Variants in GARRE1 observed in about 807,000 individuals in gnomAD.
GARRE1 encodes the protein granule associated Rac and RHOG effector 1, also known as granule associated Rac and RHOG effector protein 1.
In GARRE1, 49 loss-of-function variants were observed where a neutral mutation model predicts 103.2. The ratio of observed to expected loss-of-function variants is 0.47; its 90% CI spans 0.38 to 0.60. GARRE1 has a LOEUF of 0.60. Ranked by LOEUF, GARRE1 falls within the 20% of genes least tolerant of loss-of-function variation. The pLI, the probability that GARRE1 is intolerant of heterozygous loss-of-function variation, is 0.00. For synonymous variants in GARRE1, 505 were observed against 532.8 expected (o/e 0.95, Z 0.72); for missense variants, 1,199 against 1,370.5 (o/e 0.87, Z 1.98).
chr19:34,292,262 C>G (rs938999548), intron 1 of GARRE1, among the ~76,000 whole-genome samples: 1 of 152,190 alleles, frequency 6.6e-6, no homozygotes, highest in African/African-American at 2.4e-5. Context: ...TCACTTAGCA[C>G]AGTGTTTTTA....
chr19:34,296,044 T>C (rs1283832192), intron 1 of GARRE1, among the ~76,000 whole-genome samples: 1 of 152,240 alleles, frequency 6.6e-6, no homozygotes, highest in Non-Finnish European at 1.5e-5. Flanking sequence ...ATGCCAGTAT[T>C]TCACTGCTTT....
At chr19:34,345,073 C>T (rs773626997) in intron 10 of GARRE1, among the ~76,000 whole-genome samples, 2 of 152,146 alleles carry the variant, frequency 1.3e-5, no homozygotes, top group Non-Finnish European at 2.9e-5. Flanking sequence ...CTCCTGACCT[C>T]GTGATCCGCC....
chr19:34,308,619 C>T (rs368457558), intron 2 of GARRE1, among the ~76,000 whole-genome samples: 5 of 152,148 alleles, frequency 3.3e-5, no homozygotes, highest in African/African-American at 4.8e-5. Context: ...GCCCATTCTA[C>T]GTGGGTGGAA....
In GARRE1 at chr19:34,348,031, C is replaced by G; in HGVS notation, c.2676C>G (p.Phe892Leu). 1 of 1,490,350 alleles carries G rather than the reference C, an allele frequency of 6.7e-7. No homozygotes were observed. Among genetic ancestry groups the G allele is most frequent in the African/African-American group, 1.4e-5 (1 of 70,684 alleles). The allele number at this position is 1,490,350 out of a possible 1,614,324, so 92.3% of individuals were successfully genotyped here. ...DAHRTWPFPE[F>L]FTEGDGLHGG... ...ATCGGACCTGGCCCTTCCCCGAGTT[C>G]TTCACAGAAGGGTGAGTGCTGGGTA... is the stretch of plus-strand genomic sequence containing the variant. The change falls in exon 11 of 14, where the codon TTC (phenylalanine) becomes TTG (leucine). Residue 892 changes from phenylalanine to leucine, a missense_variant. Physicochemically the swap from Phe to Leu is conservative, Grantham distance 22. Coordinates refer to ENST00000299505, the MANE Select transcript of GARRE1 (RefSeq NM_014686.5).
chr19:34,292,144 G>C (rs1429275535), intron 1 of GARRE1, among the ~76,000 whole-genome samples: 1 of 152,172 alleles, frequency 6.6e-6, no homozygotes, highest in Non-Finnish European at 1.5e-5. Context: ...TTACAGGCGT[G>C]AGCCACCGCA....
At chr19:34,301,982 C>CCT (rs2073981748) in intron 2 of GARRE1, among the ~76,000 whole-genome samples, 1 of 50,030 alleles carries the variant, frequency 2.0e-5, no homozygotes, top group Non-Finnish European at 3.9e-5. Flanking sequence ...TGCGCCCAGC[C>CCT]TTTTTTTTTT....
intron 1 of GARRE1, among the ~76,000 whole-genome samples, chr19:34,279,377 C>T (rs1297276724): frequency 1.3e-5 from 2 of 152,020 alleles, no homozygotes; most frequent in African/African-American, 4.8e-5. Context: ...GCGATCTCGG[C>T]TCACTGCAAC....
chr19:34,323,715 G>C (rs1024492397), intron 3 of GARRE1, among the ~76,000 whole-genome samples: 2 of 152,084 alleles, frequency 1.3e-5, no homozygotes, highest in Non-Finnish European at 2.9e-5. Context: ...TGACTGTTCA[G>C]CTCACACACG....
chr19:34,351,693 A>G, intron 13 of GARRE1, 101 bp downstream of exon 13: 1 of 827,522 alleles, frequency 1.2e-6, no homozygotes, highest in Non-Finnish European at 2.0e-6. Flanking sequence ...GTGGTGATTA[A>G]TTTTGTGTAA....
chr19:34,349,827 G>A (rs1304122769), intron 12 of GARRE1, among the ~76,000 whole-genome samples: 1 of 152,168 alleles, frequency 6.6e-6, no homozygotes, highest in Non-Finnish European at 1.5e-5. Context: ...GATAGGCAGT[G>A]GGGAGCGGGT....
intron 8 of GARRE1, among the ~76,000 whole-genome samples, chr19:34,334,298 CTTAAT>C (rs1402205976): frequency 4.6e-5 from 7 of 151,888 alleles, no homozygotes; most frequent in Non-Finnish European, 8.8e-5. Context: ...AAAGATTATT[CTTAAT>C]TTATTTTTTT....
chr19:34,292,580 T>C (rs2073924204), intron 1 of GARRE1, among the ~76,000 whole-genome samples: 1 of 152,134 alleles, frequency 6.6e-6, no homozygotes, highest in African/African-American at 2.4e-5. Flanking sequence ...CCCATTTTAC[T>C]TTATTTTTTT....
At chr19:34,286,669 T>C (rs1345028062) in intron 1 of GARRE1, among the ~76,000 whole-genome samples, 1 of 151,168 alleles carries the variant, frequency 6.6e-6, no homozygotes, top group Non-Finnish European at 1.5e-5. Context: ...GCCGGGCTAA[T>C]GTTCTGTATT....
intron 13 of GARRE1, 69 bp from the exon 14 acceptor site, chr19:34,352,578 C>A: frequency 7.6e-7 from 1 of 1,321,826 alleles, no homozygotes; most frequent in Non-Finnish European, 1.1e-6. Context: ...AAGGGCCAGG[C>A]ATCTGGGGAG....
Position 34,339,962 on chromosome 19 carries a change from T to C in GARRE1, c.1457T>C (p.Val486Ala), listed in dbSNP as rs760672387. 3.1e-6 allele frequency: 5 copies of C among 1,614,132 alleles called. No individual in the cohort carries two copies. In the Admixed American group the frequency reaches 8.3e-5, roughly 27 times the overall value. ...LGLVDVLYTA[V>A]LDLNRWRAGR... ...CTAGTGGACGTGCTCTACACAGCTG[T>C]GCTGGACCTAAACCGCTGGAGGGCT... The change falls in exon 9 of 14, where the codon GTG (valine) becomes GCG (alanine). Residue 486 changes from valine (V) to alanine (A), a missense_variant. Physicochemically the swap from Val to Ala is moderately conservative, Grantham distance 64. Coordinates refer to ENST00000299505, the MANE Select transcript of GARRE1 (RefSeq NM_014686.5).
At chr19:34,285,195 C>T (rs2073879074) in intron 1 of GARRE1, 1 of 152,136 alleles carries the variant, frequency 6.6e-6, no homozygotes, top group Non-Finnish European at 1.5e-5. Flanking sequence ...TATGATGCAC[C>T]TCATGTACCC....
intron 1 of GARRE1, among the ~76,000 whole-genome samples, chr19:34,287,828 A>G (rs1207230538): frequency 6.6e-6 from 1 of 152,156 alleles, no homozygotes; most frequent in East Asian, 1.9e-4. Context: ...CTCATTTATG[A>G]TGGCTGCACC....
chr19:34,300,572 G>T lies in GARRE1; in HGVS notation c.99G>T (p.Pro33=). 1 of 1,613,412 alleles carries T rather than the reference G, an allele frequency of 6.2e-7. No individual in the cohort carries two copies. Among genetic ancestry groups the T allele is most frequent in the Non-Finnish European group, 8.5e-7 (1 of 1,180,024 alleles). Residue 33 remains proline (P), a synonymous_variant, in exon 2 of 14, where the codon CCG becomes CCT. Coordinates refer to ENST00000299505, the MANE Select transcript of GARRE1 (RefSeq NM_014686.5). ...AGGTGCAGCAGCACCAGCAATACCCGATGCCTGAGCTGGGCCGAGCACTGA... is the reference window on the plus strand; with the variant it reads ...AGGTGCAGCAGCACCAGCAATACCCTATGCCTGAGCTGGGCCGAGCACTGA... ...KQKVQQHQQY[P]MPELGRALSA...
chr19:34,264,045 T>C (rs1357186135), intron 1 of GARRE1, among the ~76,000 whole-genome samples: 1 of 152,142 alleles, frequency 6.6e-6, no homozygotes, highest in African/African-American at 2.4e-5. Context: ...GGTATGTGTT[T>C]GTCGTCGTCT....
Sources: gnomAD v4.1 joint callset for allele counts (sites outside exome capture counted in the v4.1 genomes callset) on GRCh38, gnomAD v4.1.1 for gene constraint, MANE v1.5 for transcripts, NCBI Gene and HGNC (gene_info 2026-07-23, HGNC 2026-07-21) for gene names.